Variants in ABLIM1 observed in about 807,000 individuals in gnomAD.
ABLIM1 encodes actin binding LIM protein 1, also known as actin-binding LIM protein 1.
Under a neutral mutation model 107.0 loss-of-function variants are expected in ABLIM1, and 40 were observed. The ratio of observed to expected loss-of-function variants is 0.37; its 90% CI spans 0.29 to 0.49. The LOEUF is 0.49. ABLIM1 is among the 20% of genes least tolerant of loss of function. The probability of loss-of-function intolerance (pLI) is 0.97; values close to 1 mark genes in which losing one functional copy is unlikely to be tolerated. For synonymous variants in ABLIM1, 357 were observed against 357.3 expected (o/e 1.00, Z 0.01); for missense variants, 857 against 1,008.5 (o/e 0.85, Z 2.04).
chr10:114,541,766 G>A (rs1055214182), intron 6 of ABLIM1, among the ~76,000 whole-genome samples: 2 of 152,228 alleles, frequency 1.3e-5, no homozygotes, highest in Non-Finnish European at 2.9e-5. Context: ...CAGCCACAGT[G>A]AATGCCAAAT....
At chr10:114,698,227 A>G (rs1255747083) in intron 1 of ABLIM1, among the ~76,000 whole-genome samples, 1 of 152,084 alleles carries the variant, frequency 6.6e-6, no homozygotes, top group Non-Finnish European at 1.5e-5. Context: ...ATTTGAGAAC[A>G]AACTGTATCC....
chr10:114,580,511 C>T (rs1245981359), intron 2 of ABLIM1, among the ~76,000 whole-genome samples: 3 of 152,156 alleles, frequency 2.0e-5, no homozygotes, highest in Non-Finnish European at 2.9e-5. Context: ...CGGCACCCAG[C>T]CAACCCAACT....
chr10:114,576,712 G>A (rs1406873335), intron 2 of ABLIM1, among the ~76,000 whole-genome samples: 2 of 152,096 alleles, frequency 1.3e-5, no homozygotes, highest in African/African-American at 2.4e-5. Context: ...ACAAGCTACG[G>A]AAGACGTTCA....
intron 6 of ABLIM1, among the ~76,000 whole-genome samples, chr10:114,533,330 G>A (rs1383687813): frequency 6.6e-6 from 1 of 152,054 alleles, no homozygotes; most frequent in Non-Finnish European, 1.5e-5. Context: ...AATGGAGGGA[G>A]ACTCTGTCTC....
chr10:114,552,491 G>GAAA (rs68058352), intron 4 of ABLIM1, among the ~76,000 whole-genome samples: 6 of 120,656 alleles, frequency 5.0e-5, no homozygotes, highest in African/African-American at 1.8e-4. Flanking sequence ...ACCTAACATG[G>GAAA]AAAAAAAAAA....
At chr10:114,789,989 C>T in the ABLIM1 span, among the ~76,000 whole-genome samples, 16 of 152,292 alleles carry the variant, frequency 1.1e-4, no homozygotes, top group African/African-American at 1.7e-4. Flanking sequence ...GATGGCGTTT[C>T]GCCATGTTGG....
chr10:114,584,768 G>A (rs369961572), intron 2 of ABLIM1, among the ~76,000 whole-genome samples: 7 of 152,184 alleles, frequency 4.6e-5, no homozygotes, highest in African/African-American at 1.2e-4. Flanking sequence ...ATGATAAAAC[G>A]GGCCCCACAG....
intron 1 of ABLIM1, among the ~76,000 whole-genome samples, chr10:114,709,086 T>C (rs2081487396): frequency 6.6e-6 from 1 of 152,202 alleles, no homozygotes; most frequent in Non-Finnish European, 1.5e-5. Context: ...CTTCCCTGCA[T>C]AGTTAAGTTA....
chr10:114,729,790 A>G (rs1486021532), intron 1 of ABLIM1, among the ~76,000 whole-genome samples: 2 of 152,146 alleles, frequency 1.3e-5, no homozygotes, highest in Non-Finnish European at 2.9e-5. Context: ...CATGTTATTC[A>G]GCTTGGCCAG....
At chr10:114,471,418 C>T (rs1397162565) in intron 10 of ABLIM1, among the ~76,000 whole-genome samples, 1 of 152,176 alleles carries the variant, frequency 6.6e-6, no homozygotes, top group Non-Finnish European at 1.5e-5. Context: ...AATCTCTATG[C>T]ACTTTGTTCA....
chr10:114,727,000 C>A (rs217186), intron 1 of ABLIM1, among the ~76,000 whole-genome samples: 8,668 of 152,220 alleles, frequency 0.057, 324 homozygotes, highest in Middle Eastern at 0.092. Context: ...TCAGTGTGAA[C>A]CCATGCAAAG....
rs561208322 is a variant in ABLIM1, at chr10:114,483,283, T to TG, written c.1041+4674_1041+4675insC. Among the ~76,000 whole-genome samples the TG allele has an allele frequency of 5.3e-5, 8 of 152,272 alleles. No individual in the cohort carries two copies. In the South Asian group the frequency reaches 1.7e-3, roughly 32 times the overall value. ...TGCTGTATCTGTCCATTTTTGGTTTTTTTTTGAGACAGGGTCTCACTCTGT... is the reference window on the plus strand; with the variant it reads ...TGCTGTATCTGTCCATTTTTGGTTTTGTTTTTGAGACAGGGTCTCACTCTGT... On this transcript the variant is annotated intron_variant, in intron 8 of 22. Transcript: ENST00000533213.
At chr10:114,651,321 T>A (rs2141089205) in intron 1 of ABLIM1, among the ~76,000 whole-genome samples, 1 of 152,234 alleles carries the variant, frequency 6.6e-6, no homozygotes, top group Middle Eastern at 3.4e-3. Context: ...GAGAAGCTTA[T>A]AAACAGGCAA....
At chr10:114,740,938 C>T (rs1192677981) in intron 1 of ABLIM1, among the ~76,000 whole-genome samples, 1 of 150,922 alleles carries the variant, frequency 6.6e-6, no homozygotes, top group Non-Finnish European at 1.5e-5. Flanking sequence ...GAGGATGAGG[C>T]AGGAGAATAG....
Position 114,619,486 on chromosome 10 carries a change from T to C in ABLIM1, c.245-17525A>G, listed in dbSNP as rs915189306. Among the ~76,000 whole-genome samples, 4 of 152,318 alleles carry C rather than the reference T, an allele frequency of 2.6e-5. No individual in the cohort carries two copies. The highest frequency in any genetic ancestry group is 4.4e-5 in the Non-Finnish European group (3 of 68,034). ...TGCTAGGATTACAGGCGTGAGCCAC[T>C]GTGCCTGGCTGAAATGATATTTTTT... On this transcript the variant is annotated intron_variant, in intron 1 of 22. Coordinates refer to ENST00000533213, the MANE Select transcript of ABLIM1 (RefSeq NM_002313.7). This position sits in a 1 kb window ranked among gnomAD's most constrained non-coding sequence, Gnocchi z 4.1.
Position 114,431,929 on chromosome 10 carries a change from T to C in ABLIM1, c.*4331A>G, listed in dbSNP as rs556096536. The C allele has an allele frequency of 8.8e-4, 134 of 152,218 alleles. No individual in the cohort carries two copies. Among genetic ancestry groups the C allele is most frequent in the African/African-American group, 3.0e-3 (126 of 41,520 alleles). The allele number at this position is 152,218 out of a possible 1,614,324, so 9.4% of individuals were successfully genotyped here. On this transcript the variant is annotated 3_prime_UTR_variant, in exon 23 of 23. Transcript: ENST00000533213. ...CATAACAATCCATATGCAAAGCATA[T>C]CTGCCACCACCTCCCACTGCTTCCT...
intron 4 of ABLIM1, among the ~76,000 whole-genome samples, chr10:114,561,499 T>C (rs911448514): frequency 6.6e-6 from 1 of 152,206 alleles, no homozygotes; most frequent in Admixed American, 6.5e-5. Context: ...CTAAAAATCA[T>C]TTCCCTTCTC....
chr10:114,474,055 A>C (rs548126298), intron 8 of ABLIM1, 99 bp from the exon 9 acceptor site: 2 of 836,602 alleles, frequency 2.4e-6, no homozygotes, highest in East Asian at 5.1e-5. Flanking sequence ...GCTAGTGAAA[A>C]AAAGAAACAC....
At chr10:114,733,245 G>A (rs1210851743) in intron 1 of ABLIM1, among the ~76,000 whole-genome samples, 1 of 152,134 alleles carries the variant, frequency 6.6e-6, no homozygotes, top group African/African-American at 2.4e-5. Context: ...GTCCAGGGTG[G>A]AAGAACAGAG....
Sources: gnomAD v4.1 joint callset for allele counts (sites outside exome capture counted in the v4.1 genomes callset) on GRCh38, gnomAD v4.1.1 for gene constraint, Gnocchi (gnomAD v3.1) non-coding constraint, MANE v1.5 for transcripts, NCBI Gene and HGNC (gene_info 2026-07-23, HGNC 2026-07-21) for gene names.